Variants in MTMR8 observed in about 807,000 individuals in gnomAD.
MTMR8 encodes myotubularin related protein 8, also known as phosphatidylinositol-3,5-bisphosphate 3-phosphatase MTMR8.
Under a neutral mutation model 39.3 loss-of-function variants are expected in MTMR8, and 65 were observed. That is an observed-to-expected ratio of 1.65 (90% confidence interval 1.35 to 2.03). The LOEUF (loss-of-function observed/expected upper bound fraction) is 2.03, where lower values mean the gene tolerates loss of function less well. MTMR8 is among the 30% of genes most tolerant of loss of function. The probability of loss-of-function intolerance (pLI) is 0.00; values close to 1 mark genes in which losing one functional copy is unlikely to be tolerated. For missense variants in MTMR8, 777 were observed against 538.9 expected, an observed-to-expected ratio of 1.44 and a Z score of -4.37; for synonymous variants, 245 against 185.2, an observed-to-expected ratio of 1.32 and a Z score of -2.62.
intron 12 of MTMR8, among the ~76,000 whole-genome samples, chrX:64,303,054 A>G (rs1401164318): frequency 2.7e-5 from 3 of 112,612 alleles, no homozygotes; most frequent in Non-Finnish European, 3.7e-5. Context: ...CGTTAATGCC[A>G]TCTCGTGATT....
chrX:64,279,789 T>C (rs1215461599), intron 12 of MTMR8, among the ~76,000 whole-genome samples: 1 of 111,796 alleles, frequency 8.9e-6, no homozygotes, highest in Non-Finnish European at 1.9e-5. Flanking sequence ...TACACACATA[T>C]GGACCAATGG....
chrX:64,328,033 A>G (rs1455740587), intron 12 of MTMR8, among the ~76,000 whole-genome samples: 3 of 111,867 alleles, frequency 2.7e-5, no homozygotes, highest in Non-Finnish European at 5.6e-5. Context: ...ATAAATACTC[A>G]ACTGAAAACA....
intron 12 of MTMR8, among the ~76,000 whole-genome samples, chrX:64,281,803 C>A (rs1463849621): frequency 9.2e-6 from 1 of 108,122 alleles, no homozygotes; most frequent in African/African-American, 3.4e-5. Context: ...ACCCATCTGA[C>A]AAAGTTCTAA....
chrX:64,384,620 G>A (rs1182999041), intron 1 of MTMR8, among the ~76,000 whole-genome samples: 1 of 112,552 alleles, frequency 8.9e-6, no homozygotes, highest in Non-Finnish European at 1.9e-5. Context: ...CAAGGCTTAT[G>A]GCTTGAACCC....
chrX:64,369,277 G>T (rs748960927), intron 1 of MTMR8, among the ~76,000 whole-genome samples: 1 of 111,572 alleles, frequency 9.0e-6, no homozygotes, highest in South Asian at 3.8e-4. Flanking sequence ...TATACCCAAA[G>T]GATTATAAAT....
rs980496464 is a variant in MTMR8, at chrX:64,369,188, C to G, written c.25-9661G>C. Among the ~76,000 whole-genome samples, 4 of 111,821 alleles carry G rather than the reference C, an allele frequency of 3.6e-5. No homozygotes were observed. The South Asian group carries it at 1.5e-3, about 42-fold the overall frequency. ...ATGGGAGTGTAAACTAGTTCAACCA[C>G]TGTGGAAGACAGTGTGGCAATTCCT... On this transcript the variant is annotated intron_variant, in intron 1 of 13. Coordinates refer to ENST00000374852, the MANE Select transcript of MTMR8 (RefSeq NM_017677.4).
At chrX:64,297,690 T>C (rs749724314) in intron 12 of MTMR8, among the ~76,000 whole-genome samples, 168 of 103,505 alleles carry the variant, frequency 1.6e-3, no homozygotes, top group African/African-American at 5.8e-3. Context: ...GCCTAGGTTT[T>C]CTTCTAGGGT....
At chrX:64,276,215 G>A (rs1056869932) in intron 12 of MTMR8, among the ~76,000 whole-genome samples, 21 of 110,158 alleles carry the variant, frequency 1.9e-4, no homozygotes, top group African/African-American at 6.9e-4. Flanking sequence ...AGTCACTTCT[G>A]GTCTTCTGCT....
chrX:64,382,056 C>A (rs1021595829), intron 1 of MTMR8, among the ~76,000 whole-genome samples: 1 of 111,357 alleles, frequency 9.0e-6, no homozygotes, highest in African/African-American at 3.3e-5. Flanking sequence ...CAGCTTTGTT[C>A]TTTTGGTTTA....
intron 12 of MTMR8, 110 bp downstream of exon 12, chrX:64,328,662 C>T: frequency 1.3e-6 from 1 of 755,910 alleles, no homozygotes. Context: ...ACAGAGTATC[C>T]TACTCCATAG....
chrX:64,271,075 T>A lies in MTMR8; in HGVS notation c.1482-2A>T, dbSNP rs1368015538. 1 of 1,184,006 alleles carries A rather than the reference T, an allele frequency of 8.4e-7. No homozygotes were observed. The highest frequency in any genetic ancestry group is 2.4e-5 in the Admixed American group (1 of 40,905). ...CGGTTATACATCCCACACCAGAACCTCAAATAGACAAAAATGGGGGGAAAA... is the reference window on the plus strand; with the variant it reads ...CGGTTATACATCCCACACCAGAACCACAAATAGACAAAAATGGGGGGAAAA... On this transcript the variant is annotated splice_acceptor_variant, in intron 12 of 13. Coordinates refer to ENST00000374852, the MANE Select transcript of MTMR8 (RefSeq NM_017677.4). LOFTEE classifies it high-confidence loss of function.
chrX:64,308,717 T>C (rs774865594), intron 12 of MTMR8, among the ~76,000 whole-genome samples: 1 of 111,726 alleles, frequency 9.0e-6, no homozygotes, highest in East Asian at 2.8e-4. Flanking sequence ...CGTATACAGA[T>C]AGTTTTGTGT....
chrX:64,348,613 G>A (rs1250414883), intron 6 of MTMR8, 47 bp downstream of exon 6: 2 of 1,195,796 alleles, frequency 1.7e-6, no homozygotes, highest in Admixed American at 4.4e-5. Context: ...TGAGGAGGTA[G>A]AATGCAAGAG....
chrX:64,277,629 C>T (rs746758230), intron 12 of MTMR8, among the ~76,000 whole-genome samples: 1 of 111,851 alleles, frequency 8.9e-6, no homozygotes, highest in Non-Finnish European at 1.9e-5. Flanking sequence ...TGATGGGCTT[C>T]CCTTTGTGGG....
intron 12 of MTMR8, among the ~76,000 whole-genome samples, chrX:64,295,998 G>A (rs1291568061): frequency 1.8e-5 from 2 of 112,148 alleles, no homozygotes; most frequent in Admixed American, 9.5e-5. Context: ...CAAACAGACA[G>A]TTGAATACCA....
chrX:64,298,409 G>A (rs1226949523), intron 12 of MTMR8, among the ~76,000 whole-genome samples: 1 of 87,579 alleles, frequency 1.1e-5, no homozygotes, highest in Non-Finnish European at 2.1e-5. Context: ...GAATGCTTGT[G>A]ATTTTTGTAC....
chrX:64,286,291 T>C lies in MTMR8; in HGVS notation c.1482-15218A>G, dbSNP rs760479673. On this transcript the variant is annotated intron_variant, in intron 12 of 13. Transcript: ENST00000374852. ...AGCAAACCAGGAAGATGTTGACCAA[T>C]AACAGACTCTGAAATTGAGGCAATA... 3.1e-3 allele frequency among the ~76,000 whole-genome samples: 340 copies of C among 109,841 alleles called. 2 individuals carry two copies. Among genetic ancestry groups the C allele is most frequent in the Non-Finnish European group, 4.7e-3 (246 of 51,909 alleles).
At chrX:64,393,186 G>A (rs969602395) in intron 1 of MTMR8, among the ~76,000 whole-genome samples, 1 of 111,779 alleles carries the variant, frequency 8.9e-6, no homozygotes, top group Non-Finnish European at 1.9e-5. Flanking sequence ...TCCTATCTTT[G>A]TTTATTAGGC....
chrX:64,314,123 TC>T (rs1047728995), intron 12 of MTMR8, among the ~76,000 whole-genome samples: 1 of 112,383 alleles, frequency 8.9e-6, no homozygotes, highest in African/African-American at 3.2e-5. Flanking sequence ...GTTCTTTGGC[TC>T]CTTGAAATTA....
Sources: gnomAD v4.1 joint callset for allele counts (sites outside exome capture counted in the v4.1 genomes callset) on GRCh38, gnomAD v4.1.1 for gene constraint, MANE v1.5 for transcripts, NCBI Gene and HGNC (gene_info 2026-07-23, HGNC 2026-07-21) for gene names.